Variants in LTBP1 observed in about 807,000 individuals in gnomAD.
LTBP1 encodes latent transforming growth factor beta binding protein 1, also known as latent-transforming growth factor beta-binding protein 1.
A neutral mutation model predicts 207.6 loss-of-function variants in LTBP1; 129 were observed. The observed-to-expected ratio is 0.62, with a 90% confidence interval of 0.54 to 0.72. The LOEUF is 0.72. LTBP1 is among the 30% of genes least tolerant of loss of function. The probability of loss-of-function intolerance (pLI) is 0.00; values close to 1 mark genes in which losing one functional copy is unlikely to be tolerated. For missense variants in LTBP1, 2,281 were observed against 2,217.2 expected (o/e 1.03, Z -0.58); for synonymous variants, 963 against 833.7 (o/e 1.16, Z -2.67).
intron 3 of LTBP1, chr2:33,056,459 A>G (rs1054035928): frequency 6.5e-6 from 6 of 925,158 alleles, no homozygotes; most frequent in South Asian, 4.2e-5. Flanking sequence ...TGTTGTTGCA[A>G]ATTGCCAGCT....
rs1434202326 is a variant in LTBP1, at chr2:33,263,525, C to T, written c.2617+133C>T. The T allele has an allele frequency of 6.8e-6, 4 of 586,184 alleles. No individual in the cohort carries two copies. In the South Asian group the frequency reaches 9.7e-5, roughly 14 times the overall value. 36.3% of individuals were successfully genotyped at this position (586,184 alleles called of 1,614,324 possible). The stretch of plus-strand genomic sequence containing the variant: ...ATACTAGCAAATATTTGGAAATCAT[C>T]TAAATACAGTTAAAAAGGAGGAGTA... On this transcript the variant is annotated intron_variant, in intron 15 of 33. Coordinates refer to ENST00000404816, the MANE Select transcript of LTBP1 (RefSeq NM_206943.4).
intron 27 of LTBP1, 127 bp from the exon 28 acceptor site, chr2:33,361,302 T>C (rs1054795819): frequency 3.5e-5 from 19 of 542,876 alleles, no homozygotes; most frequent in Admixed American, 6.8e-5. Flanking sequence ...TTTTTTGAGA[T>C]TGTACTAAAT....
chr2:33,270,589 CAAAAA>C (rs397961095), intron 15 of LTBP1, among the ~76,000 whole-genome samples: 12 of 75,338 alleles, frequency 1.6e-4, no homozygotes, highest in Admixed American at 1.2e-3. Context: ...GACTCCGTCT[CAAAAA>C]AAAAAAAAAA....
At chr2:33,072,925 C>T (rs2077871186) in intron 3 of LTBP1, among the ~76,000 whole-genome samples, 1 of 152,216 alleles carries the variant, frequency 6.6e-6, no homozygotes, top group Admixed American at 6.5e-5. Flanking sequence ...AGGATATGTA[C>T]TCCTGTCATG....
chr2:33,189,677 A>G (rs188009178), intron 7 of LTBP1, among the ~76,000 whole-genome samples: 9 of 152,346 alleles, frequency 5.9e-5, no homozygotes, highest in African/African-American at 1.9e-4. Context: ...TTGTGCAATA[A>G]TAATTCATGT....
At position 33,347,393 on chromosome 2, in the gene LTBP1, G is replaced by A. The variant is rs2094718505; in HGVS notation, c.3883G>A (p.Gly1295Arg). ...VDVNECELLS[G>R]VCGEAFCENV... ...TGTGAATGAATGTGAACTGCTCAGTGGGGTGTGTGGTGAAGCCTTCTGTGA... is the reference window on the plus strand; with the variant it reads ...TGTGAATGAATGTGAACTGCTCAGTAGGGTGTGTGGTGAAGCCTTCTGTGA... Residue 1295 changes from glycine (G) to arginine (R), a missense_variant, in exon 26 of 34, where the codon GGG becomes AGG. Transcript: ENST00000404816. 6.2e-7 allele frequency: 1 copy of A among 1,614,060 alleles called. No individual in the cohort carries two copies. Among genetic ancestry groups the A allele is most frequent in the Non-Finnish European group, 8.5e-7 (1 of 1,180,038 alleles).
At position 32,980,678 on chromosome 2, in the gene LTBP1, G is replaced by T. The variant is rs1039430367; in HGVS notation, c.565+31733G>T. ...GTACTTAATATTACTAATGAGTTTTGTACCTTCAGATGATTTCATATTGCT... is the reference window on the plus strand; with the variant it reads ...GTACTTAATATTACTAATGAGTTTTTTACCTTCAGATGATTTCATATTGCT... On this transcript the variant is annotated intron_variant, in intron 2 of 33. Transcript: ENST00000404816. Among the ~76,000 whole-genome samples, 7 of 152,200 alleles carry T rather than the reference G, an allele frequency of 4.6e-5. No individual in the cohort carries two copies. The East Asian group carries it at 7.7e-4, about 17-fold the overall frequency.
At chr2:33,163,845 G>C (rs1267890416) in intron 5 of LTBP1, among the ~76,000 whole-genome samples, 2 of 152,034 alleles carry the variant, frequency 1.3e-5, no homozygotes, top group African/African-American at 4.8e-5. Flanking sequence ...AAATAGACTA[G>C]AATGGCCATA....
At chr2:33,074,982 C>T (rs866794349) in intron 3 of LTBP1, among the ~76,000 whole-genome samples, 9 of 151,586 alleles carry the variant, frequency 5.9e-5, no homozygotes, top group African/African-American at 2.2e-4. Context: ...ATCTGGGAGG[C>T]GGAGGTTGCA....
intron 15 of LTBP1, among the ~76,000 whole-genome samples, chr2:33,272,890 C>A (rs79804757): frequency 0.028 from 4,292 of 152,130 alleles, 219 homozygotes; most frequent in African/African-American, 0.097. Flanking sequence ...TCCACCTAAC[C>A]ATGGACTCCT....
chr2:33,347,322 G>A (rs754273248), intron 25 of LTBP1, 45 bp from the exon 26 acceptor site: 19 of 1,611,748 alleles, frequency 1.2e-5, no homozygotes, highest in East Asian at 8.9e-5. Flanking sequence ...GAGAGCTGTC[G>A]TGAATGAGGC....
intron 3 of LTBP1, among the ~76,000 whole-genome samples, chr2:33,035,405 A>G (rs186411862): frequency 2.7e-4 from 41 of 152,368 alleles, no homozygotes; most frequent in African/African-American, 9.9e-4. Flanking sequence ...AGACCAGAAT[A>G]GAAGACCATT....
chr2:33,219,290 T>C (rs569296113), intron 8 of LTBP1, among the ~76,000 whole-genome samples: 2 of 152,324 alleles, frequency 1.3e-5, no homozygotes, highest in East Asian at 3.9e-4. Context: ...TCGATGATCA[T>C]TTGCAATGCA....
intron 24 of LTBP1, among the ~76,000 whole-genome samples, chr2:33,327,886 C>G (rs956972355): frequency 3.9e-5 from 6 of 151,910 alleles, no homozygotes; most frequent in African/African-American, 1.5e-4. Flanking sequence ...CGCCTGTAAT[C>G]CCAGCACTTT....
At chr2:33,319,111 A>T (rs2094316018) in intron 24 of LTBP1, among the ~76,000 whole-genome samples, 1 of 152,140 alleles carries the variant, frequency 6.6e-6, no homozygotes, top group South Asian at 2.1e-4. Context: ...TAAAACAAAA[A>T]ATCTGACCAG....
At chr2:33,173,159 C>A (rs909285093) in intron 5 of LTBP1, among the ~76,000 whole-genome samples, 9 of 152,040 alleles carry the variant, frequency 5.9e-5, no homozygotes, top group African/African-American at 2.2e-4. Context: ...AAAATCAGAG[C>A]AGAAGTGAAG....
intron 26 of LTBP1, among the ~76,000 whole-genome samples, chr2:33,355,396 C>CA (rs1258885354): frequency 6.6e-6 from 1 of 152,134 alleles, no homozygotes; most frequent in Non-Finnish European, 1.5e-5. Context: ...AACGTATGCA[C>CA]ATCCTCCTGT....
chr2:33,179,676 G>C (rs1444845975), intron 5 of LTBP1, among the ~76,000 whole-genome samples: 1 of 139,490 alleles, frequency 7.2e-6, no homozygotes, highest in East Asian at 1.9e-4. Flanking sequence ...TTAGAATCTG[G>C]CTAATGGGTT....
At chr2:33,133,637 G>A (rs1039597792) in intron 4 of LTBP1, among the ~76,000 whole-genome samples, 4 of 152,112 alleles carry the variant, frequency 2.6e-5, no homozygotes, top group Admixed American at 6.5e-5. Context: ...CAGTTCTGCC[G>A]TCATAGCACA....
Sources: gnomAD v4.1 joint callset for allele counts (sites outside exome capture counted in the v4.1 genomes callset) on GRCh38, gnomAD v4.1.1 for gene constraint, MANE v1.5 for transcripts, NCBI Gene and HGNC (gene_info 2026-07-23, HGNC 2026-07-21) for gene names.